The following C22orf31 variants were observed in gnomAD, a reference collection of about 807,000 sequenced individuals.
C22orf31 encodes the protein chromosome 22 open reading frame 31, also known as uncharacterized protein C22orf31.
Under a neutral mutation model 15.0 loss-of-function variants are expected in C22orf31, and 11 were observed. The ratio of observed to expected loss-of-function variants is 0.73; its 90% CI spans 0.46 to 1.21. The LOEUF (loss-of-function observed/expected upper bound fraction) is 1.21. Among genes scored for constraint, C22orf31 ranks in the 50% most tolerant of loss-of-function variants. The pLI, the probability that C22orf31 is intolerant of heterozygous loss-of-function variation, is 0.00. For synonymous variants in C22orf31, 132 were observed against 133.3 expected (o/e 0.99, Z 0.07); for missense variants, 340 against 347.2 (o/e 0.98, Z 0.17).
intron 1 of C22orf31, among the ~76,000 whole-genome samples, chr22:29,061,287 A>G (rs1212746129): frequency 1.3e-5 from 2 of 151,216 alleles, no homozygotes. Flanking sequence ...TGTGGGGGGG[A>G]CGGAGTTTAG....
chr22:29,059,837 C>T, intron 2 of C22orf31: 1 of 985,228 alleles, frequency 1.0e-6, no homozygotes, highest in Non-Finnish European at 1.2e-6. Flanking sequence ...ATTTTTCCTT[C>T]ATGTCAAGTC....
chr22:29,059,966 A>G (rs986470062), intron 2 of C22orf31: 25 of 978,268 alleles, frequency 2.6e-5, no homozygotes, highest in African/African-American at 3.6e-5. Flanking sequence ...TCCTCCCCAC[A>G]TTCTGTCTTC....
the C22orf31 span, chr22:29,073,113 G>T: frequency 3.1e-6 from 3 of 965,826 alleles, no homozygotes; most frequent in Non-Finnish European, 3.7e-6. This position sits in a 1 kb window ranked among gnomAD's most constrained non-coding sequence, Gnocchi z 4.4. Flanking sequence ...GCGCCCCGGG[G>T]CCCCGCACTG....
At chr22:29,066,735 A>G (rs1219754679), upstream of C22orf31, among the ~76,000 whole-genome samples, 1 of 150,608 alleles carries the variant, frequency 6.6e-6, no homozygotes, top group Non-Finnish European at 1.5e-5. Context: ...TAATTTTTGT[A>G]TTTTTAGTAG....
upstream of C22orf31, among the ~76,000 whole-genome samples, chr22:29,064,506 C>T (rs2037415684): frequency 6.6e-6 from 1 of 151,668 alleles, no homozygotes; most frequent in Admixed American, 6.6e-5. Flanking sequence ...TGAATATTTG[C>T]TTTTTTGTGT....
Position 29,060,654 on chromosome 22 carries a change from C to T in C22orf31, c.193G>A (p.Val65Ile), listed in dbSNP as rs759007325. 7 of 1,614,072 alleles carry T rather than the reference C, an allele frequency of 4.3e-6. No individual in the cohort carries two copies. Among genetic ancestry groups the T allele is most frequent in the Admixed American group, 1.7e-5 (1 of 60,002 alleles). ...GAACTGGCAATTAATGGGTTCCTTA[C>T]AACTTCCCAAGAGGAAGTGGTAGCT... ...APATTSSWEV[V>I]RNPLIASSFS... The change falls in exon 2 of 3, where the codon GTA (valine) becomes ATA (isoleucine). Residue 65 changes from valine (V) to isoleucine (I), a missense_variant. Val to Ile is a conservative substitution (Grantham distance 29). Transcript: ENST00000216071.
chr22:29,068,870 T>A, the C22orf31 span, among the ~76,000 whole-genome samples: 3 of 151,128 alleles, frequency 2.0e-5, no homozygotes, highest in Admixed American at 6.6e-5. Flanking sequence ...GTTCAAGCCA[T>A]TCTCCTGCCT....
the C22orf31 span, among the ~76,000 whole-genome samples, chr22:29,067,964 C>T: frequency 7.3e-4 from 111 of 152,248 alleles, no homozygotes; most frequent in African/African-American, 2.6e-3. Flanking sequence ...GTAGCCCCAG[C>T]TACTGAGTCT....
chr22:29,060,871 T>C, intron 1 of C22orf31, 28 bp from the exon 2 acceptor site: 5 of 1,545,444 alleles, frequency 3.2e-6, no homozygotes, highest in Non-Finnish European at 3.6e-6. Context: ...GAGAAATGAA[T>C]TTTAAAAGGA....
the C22orf31 span, among the ~76,000 whole-genome samples, chr22:29,072,105 G>C: frequency 6.6e-6 from 1 of 152,084 alleles, no homozygotes; most frequent in South Asian, 2.1e-4. Flanking sequence ...CCTACTCTGC[G>C]TGCGTAAAAG....
At chr22:29,066,534 CT>C (rs1407769658), upstream of C22orf31, among the ~76,000 whole-genome samples, 1 of 65,116 alleles carries the variant, frequency 1.5e-5, no homozygotes, top group Non-Finnish European at 3.4e-5. Context: ...CTTTTCTTTT[CT>C]TTTCTTTTTT....
rs1238274409 is a variant in C22orf31 at position 29,059,117 on chromosome 22, T to A, written c.498A>T (p.Glu166Asp). ...GTAGCGCTTGGGTGGCAGCCACATG[T>A]TCAGCATATCTGTCCTCAAGATCTT... is the stretch of plus-strand genomic sequence containing the variant. The part of the protein sequence containing the change: ...VRQDLEDRYA[E>D]HVAATQALPQ... The change falls in exon 3 of 3, where the codon GAA becomes GAT. Residue 166 changes from glutamate to aspartate, a missense_variant. Glu to Asp is a conservative substitution (Grantham distance 45). Transcript: ENST00000216071. The A allele has an allele frequency of 1.2e-6, 2 of 1,614,048 alleles. No individual in the cohort carries two copies. The highest frequency in any genetic ancestry group is 2.7e-5 in the African/African-American group (2 of 74,936).
rs551642213 is a variant in C22orf31 at position 29,059,503 on chromosome 22, CA to C, written c.433-322del. On this transcript the variant is annotated intron_variant, in intron 2 of 2. Coordinates refer to ENST00000216071, the MANE Select transcript of C22orf31 (RefSeq NM_015370.2). ...TATTTACCCTCTGCCAGGCTCTGTT[CA>C]AAAGCCTTTTGCATGTATTATTTAA... Among the ~76,000 whole-genome samples the C allele has an allele frequency of 2.4e-4, 36 of 152,322 alleles. No individual in the cohort carries two copies. The East Asian group carries it at 5.4e-3, about 23-fold the overall frequency.
the C22orf31 span, among the ~76,000 whole-genome samples, chr22:29,069,248 C>T: frequency 3.5e-4 from 53 of 152,292 alleles, no homozygotes; most frequent in Admixed American, 2.5e-3. Flanking sequence ...CGTAGACACC[C>T]TGCATAGCCT....
chr22:29,065,328 C>T (rs116914714), upstream of C22orf31, among the ~76,000 whole-genome samples: 332 of 152,132 alleles, frequency 2.2e-3, 12 homozygotes, highest in East Asian at 0.053. Context: ...AATCCCAGCA[C>T]TTTGGGAGGC....
chr22:29,061,805 T>C lies in C22orf31; in HGVS notation c.-13A>G, dbSNP rs201941297. ...ATCACCTTACCATATTTCAGTTGCC[T>C]TAAATTTTATTTTCGCTAGCTTAGT... On this transcript the variant is annotated 5_prime_UTR_variant, in exon 1 of 3. Coordinates refer to ENST00000216071, the MANE Select transcript of C22orf31 (RefSeq NM_015370.2). 6.5e-7 allele frequency: 1 copy of C among 1,542,894 alleles called. No individual in the cohort carries two copies. Among genetic ancestry groups the C allele is most frequent in the Non-Finnish European group, 8.9e-7 (1 of 1,126,628 alleles).
rs73882451 is a variant in C22orf31 at position 29,059,288 on chromosome 22, C to T, written c.433-106G>A. The T allele has an allele frequency of 4.0e-3, 3,319 of 824,342 alleles. 80 individuals are homozygous for T. The African/African-American group carries it at 0.052, about 13-fold the overall frequency. The allele number at this position is 824,342 out of a possible 1,614,324, so 51.1% of individuals were successfully genotyped here. On this transcript the variant is annotated intron_variant, in intron 2 of 2. Coordinates refer to ENST00000216071, the MANE Select transcript of C22orf31 (RefSeq NM_015370.2). ...GAGTCTTGGTTACAGCAACAACCAA[C>T]ATTTGTCTAGCATGTTCTAGTTTAC...
Position 29,060,849 on chromosome 22 carries a change from A to G in C22orf31, c.4-6T>C. ...CGTCTCACATTGATTGGGTGCTAGA[A>G]TTATAAGGAGGGAGAAATGAATTTT... On this transcript the variant is annotated splice_polypyrimidine_tract_variant and splice_region_variant and intron_variant, in intron 1 of 2. Coordinates refer to ENST00000216071, the MANE Select transcript of C22orf31 (RefSeq NM_015370.2). 1 of 1,605,028 alleles carries G rather than the reference A, an allele frequency of 6.2e-7. No homozygotes were observed. The highest frequency in any genetic ancestry group is 1.1e-5 in the South Asian group (1 of 90,152).
the C22orf31 span, among the ~76,000 whole-genome samples, chr22:29,068,793 C>G: frequency 7.8e-6 from 1 of 128,300 alleles, no homozygotes; most frequent in Non-Finnish European, 1.6e-5. Context: ...GAGATGGAGT[C>G]TTGGTCTGTC....
Sources: allele counts gnomAD v4.1 joint callset (sites outside exome capture counted in the v4.1 genomes callset), GRCh38; gene constraint gnomAD v4.1.1; non-coding constraint Gnocchi (gnomAD v3.1); transcripts MANE v1.5; gene names NCBI Gene and HGNC (gene_info 2026-07-23, HGNC 2026-07-21).